EEFSEC: variants seen among roughly 807,000 people sequenced by gnomAD.
The protein encoded by EEFSEC is selenocysteine-specific elongation factor.
EEFSEC carries 43 observed loss-of-function variants against 42.1 expected under a neutral mutation model. That is an observed-to-expected ratio of 1.02 (90% CI 0.80 to 1.32). The LOEUF is 1.32. Ranked by LOEUF, EEFSEC falls within the 40% of genes most tolerant of loss-of-function variation. EEFSEC has a pLI of 0.00. For synonymous variants in EEFSEC, 354 were observed against 339.1 expected (o/e 1.04, Z -0.48); for missense variants, 745 against 803.6 (o/e 0.93, Z 0.88).
At chr3:128,167,417 G>A (rs2065251988) in intron 1 of EEFSEC, among the ~76,000 whole-genome samples, 1 of 152,218 alleles carries the variant, frequency 6.6e-6, no homozygotes, top group Non-Finnish European at 1.5e-5. Flanking sequence ...ATTTCCCACT[G>A]CCTGCACCAA....
In EEFSEC at chr3:128,304,924, G is replaced by A. The variant is rs538071417; in HGVS notation, c.787-36309G>A. Among the ~76,000 whole-genome samples, 9 of 152,112 alleles carry A rather than the reference G, an allele frequency of 5.9e-5. No homozygotes were observed. The East Asian group carries it at 1.4e-3, about 23-fold the overall frequency. ...TCACCATGTTGCCCAAGCTGGTCTC[G>A]AACTCCTGAGCTCAAGTGACCCACC... On this transcript the variant is annotated intron_variant, in intron 4 of 6. Coordinates refer to ENST00000254730, the MANE Select transcript of EEFSEC (RefSeq NM_021937.5).
intron 1 of EEFSEC, among the ~76,000 whole-genome samples, chr3:128,159,304 G>A (rs1271109646): frequency 6.6e-6 from 1 of 152,176 alleles, no homozygotes; most frequent in Non-Finnish European, 1.5e-5. Flanking sequence ...ACCTGGATCT[G>A]GTTAATACCT....
rs971367138 is a variant in EEFSEC at position 128,251,553 on chromosome 3, GTTCT to G, written c.524+4513_524+4516del. On this transcript the variant is annotated intron_variant, in intron 2 of 6. Transcript: ENST00000254730. ...TATTTTGTTCTTGTTTTAATTTGTG[GTTCT>G]TTATTTCCTGAAGTGTTTTGAACAG... Among the ~76,000 whole-genome samples the G allele has an allele frequency of 5.3e-5, 8 of 152,114 alleles. No individual in the cohort carries two copies. In the East Asian group the frequency reaches 1.3e-3, roughly 26 times the overall value.
At chr3:128,160,407 G>A (rs189708984) in intron 1 of EEFSEC, among the ~76,000 whole-genome samples, 2 of 152,354 alleles carry the variant, frequency 1.3e-5, no homozygotes, top group Non-Finnish European at 2.9e-5. Context: ...GTGTGCTAAA[G>A]ATGAAGCTAG....
At chr3:128,235,958 G>T (rs1433459691) in intron 1 of EEFSEC, among the ~76,000 whole-genome samples, 1 of 152,042 alleles carries the variant, frequency 6.6e-6, no homozygotes, top group Non-Finnish European at 1.5e-5. Flanking sequence ...TTGTTTGTTT[G>T]TTTGTTTGTT....
chr3:128,409,723 A>G (rs957546931), downstream of EEFSEC, among the ~76,000 whole-genome samples: 1 of 152,192 alleles, frequency 6.6e-6, no homozygotes, highest in Non-Finnish European at 1.5e-5. Context: ...CCCTCTGCCT[A>G]GGAGCCGACT....
At chr3:128,275,537 C>T (rs1014492442) in intron 4 of EEFSEC, among the ~76,000 whole-genome samples, 4 of 152,178 alleles carry the variant, frequency 2.6e-5, no homozygotes, top group Admixed American at 6.5e-5. Flanking sequence ...GGGGAGCCCT[C>T]AGTGGGGCTG....
chr3:128,374,630 CG>C (rs1449375021), intron 6 of EEFSEC, among the ~76,000 whole-genome samples: 14 of 152,056 alleles, frequency 9.2e-5, no homozygotes, highest in African/African-American at 3.1e-4. Flanking sequence ...TTCACTGAGA[CG>C]TGATTTTCCT....
chr3:128,286,037 G>T (rs2066581687), intron 4 of EEFSEC, among the ~76,000 whole-genome samples: 1 of 152,218 alleles, frequency 6.6e-6, no homozygotes, highest in South Asian at 2.1e-4. Context: ...AGCATTGTTT[G>T]CTCTGTCTTG....
intron 6 of EEFSEC, among the ~76,000 whole-genome samples, chr3:128,402,429 C>T (rs1444814216): frequency 6.6e-6 from 1 of 152,228 alleles, no homozygotes; most frequent in Non-Finnish European, 1.5e-5. Context: ...CTGCTGGCCT[C>T]CCTTGGTCTT....
chr3:128,424,675 G>A, the EEFSEC span, among the ~76,000 whole-genome samples: 1 of 152,160 alleles, frequency 6.6e-6, no homozygotes, highest in African/African-American at 2.4e-5. Context: ...ATGAGTCACG[G>A]CACCCAGCCA....
intron 1 of EEFSEC, among the ~76,000 whole-genome samples, chr3:128,158,479 A>G (rs1031674056): frequency 6.6e-6 from 1 of 152,222 alleles, no homozygotes; most frequent in Non-Finnish European, 1.5e-5. Context: ...TTATTTCATT[A>G]GATTGCCACA....
chr3:128,414,952 T>A, the EEFSEC span, among the ~76,000 whole-genome samples: 15 of 152,144 alleles, frequency 9.9e-5, no homozygotes, highest in Non-Finnish European at 1.5e-4. Flanking sequence ...ACTGACTGGA[T>A]GATCGAGGGG....
At chr3:128,272,919 A>AC (rs2066429538) in intron 4 of EEFSEC, among the ~76,000 whole-genome samples, 2 of 152,172 alleles carry the variant, frequency 1.3e-5, no homozygotes, top group South Asian at 4.1e-4. Context: ...CAGTGTCCAC[A>AC]CCATCACAGC....
intron 4 of EEFSEC, among the ~76,000 whole-genome samples, chr3:128,301,567 G>T (rs1317045425): frequency 6.6e-6 from 1 of 152,156 alleles, no homozygotes; most frequent in Non-Finnish European, 1.5e-5. Context: ...GCAGGTGTTG[G>T]ACTCCAGGCC....
intron 4 of EEFSEC, among the ~76,000 whole-genome samples, chr3:128,310,938 CTTCTA>C (rs1359516803): frequency 1.3e-5 from 2 of 152,146 alleles, no homozygotes; most frequent in East Asian, 3.9e-4. Context: ...CTGGGGAGGC[CTTCTA>C]TTGATGCAAC....
chr3:128,374,199 G>T (rs1005793359), intron 6 of EEFSEC, among the ~76,000 whole-genome samples: 2 of 152,250 alleles, frequency 1.3e-5, no homozygotes, highest in Non-Finnish European at 2.9e-5. Context: ...GTCATCGACT[G>T]TGTGGCTCTT....
intron 1 of EEFSEC, among the ~76,000 whole-genome samples, chr3:128,155,541 T>C (rs1451164501): frequency 6.6e-6 from 1 of 152,206 alleles, no homozygotes; most frequent in Non-Finnish European, 1.5e-5. Context: ...ACACATGGTA[T>C]AAAAGGGTAT....
rs532781117 is a variant in EEFSEC, at chr3:128,167,460, GGCCAAATA to G, written c.316+13639_316+13646del. On this transcript the variant is annotated intron_variant, in intron 1 of 6. Coordinates refer to ENST00000254730, the MANE Select transcript of EEFSEC (RefSeq NM_021937.5). ...TGCTCTTATGGTGCTTTAAACAACT[GGCCAAATA>G]GAGTTCAACAGTGGAGGAAGCTTGC... Among the ~76,000 whole-genome samples, 232 of 152,318 alleles carry G rather than the reference GGCCAAATA, an allele frequency of 1.5e-3. 1 individual carries two copies. The highest frequency in any genetic ancestry group is 5.2e-3 in the African/African-American group (215 of 41,568).
Sources: gnomAD v4.1 joint callset for allele counts (sites outside exome capture counted in the v4.1 genomes callset) on GRCh38, gnomAD v4.1.1 for gene constraint, MANE v1.5 for transcripts, NCBI Gene and HGNC (gene_info 2026-07-23, HGNC 2026-07-21) for gene names.